Variants in TRIOBP observed in about 807,000 individuals in gnomAD.
The protein encoded by TRIOBP is TRIO and F-actin-binding protein.
In TRIOBP, 169 loss-of-function variants were observed where a neutral mutation model predicts 238.8. That is an observed-to-expected ratio of 0.71 (90% CI 0.62 to 0.80). The LOEUF is 0.80. Ranked by LOEUF, TRIOBP falls within the 30% of genes least tolerant of loss-of-function variation. The pLI is 0.00. For missense variants in TRIOBP, 2,838 were observed against 3,122.6 expected (o/e 0.91, Z 2.17); for synonymous variants, 1,150 against 1,274.4 (o/e 0.90, Z 2.08).
chr22:37,772,559 G>T, intron 22 of TRIOBP, 42 bp from the exon 23 acceptor site: 1 of 1,613,464 alleles, frequency 6.2e-7, no homozygotes, highest in Non-Finnish European at 8.5e-7. Flanking sequence ...CAGGGCTGGA[G>T]GGAGAGACTT....
rs372079149 is a variant in TRIOBP at position 37,723,266 on chromosome 22, G to C, written c.710G>C (p.Arg237Pro). ...GESGLSLERH[R>P]STLTQASSMT... is the part of the protein sequence containing the mutation. ...AGCGGGTTGTCCCTGGAGCGGCACCGGTCAACACTGACCCAGGCTTCCTCC... is the reference window on the plus strand; with the variant it reads ...AGCGGGTTGTCCCTGGAGCGGCACCCGTCAACACTGACCCAGGCTTCCTCC... The change falls in exon 7 of 24, where the codon CGG becomes CCG. Residue 237 changes from arginine to proline, a missense_variant. By Grantham distance (103) the Arg-to-Pro change is moderately radical. Coordinates refer to ENST00000644935, the MANE Select transcript of TRIOBP (RefSeq NM_001039141.3). 1.2e-6 allele frequency: 2 copies of C among 1,613,908 alleles called. No homozygotes were observed. Among genetic ancestry groups the C allele is most frequent in the Non-Finnish European group, 1.7e-6 (2 of 1,179,970 alleles).
chr22:37,722,835 C>G (rs1923904338), intron 6 of TRIOBP, among the ~76,000 whole-genome samples: 2 of 152,244 alleles, frequency 1.3e-5, no homozygotes, highest in Non-Finnish European at 2.9e-5. Flanking sequence ...CCACCTCTCC[C>G]TCCCTGGGGT....
chr22:37,735,267 C>G lies in TRIOBP; in HGVS notation c.4931C>G (p.Pro1644Arg), dbSNP rs763925334. ...AEATPVNGHS[P>R]ALQSQSPVQL... Reference sequence around the variant, plus strand: ...GCCACCCCAGTCAATGGACACAGCCCCGCACTGCAGTCCCAGAGCCCGGTC... The same window carrying G: ...GCCACCCCAGTCAATGGACACAGCCGCGCACTGCAGTCCCAGAGCCCGGTC... Residue 1644 changes from proline (P) to arginine (R), a missense_variant, in exon 9 of 24, where the codon CCC becomes CGC. Transcript: ENST00000644935. 7 of 1,609,134 alleles carry G rather than the reference C, an allele frequency of 4.4e-6. No homozygotes were observed. Among genetic ancestry groups the G allele is most frequent in the Non-Finnish European group, 5.9e-6 (7 of 1,176,544 alleles).
chr22:37,741,439 G>A (rs559763568), intron 11 of TRIOBP, among the ~76,000 whole-genome samples: 14 of 152,318 alleles, frequency 9.2e-5, no homozygotes, highest in South Asian at 4.1e-4. Flanking sequence ...AACATCTGGC[G>A]TTACGTAACC....
chr22:37,730,285 C>G (rs1206606349), intron 7 of TRIOBP, among the ~76,000 whole-genome samples: 1 of 152,204 alleles, frequency 6.6e-6, no homozygotes, highest in East Asian at 1.9e-4. Flanking sequence ...GACGCTGTTG[C>G]TTCAGCATCG....
Position 37,759,273 on chromosome 22 carries a change from G to T in TRIOBP, c.6324+9G>T, listed in dbSNP as rs376601715. On this transcript the variant is annotated intron_variant, in intron 17 of 23. Coordinates refer to ENST00000644935, the MANE Select transcript of TRIOBP (RefSeq NM_001039141.3). ...CGGGCTACATCTCACAGGTAAGGCC[G>T]GGGGGCTGTTTTTCAGGGGGAGGGG... The T allele has an allele frequency of 1.2e-6, 2 of 1,609,908 alleles. No homozygotes were observed. The highest frequency in any genetic ancestry group is 2.2e-5 in the East Asian group (1 of 44,854).
At chr22:37,720,558 A>G (rs1221030319) in intron 6 of TRIOBP, among the ~76,000 whole-genome samples, 1 of 152,170 alleles carries the variant, frequency 6.6e-6, no homozygotes, top group Non-Finnish European at 1.5e-5. Flanking sequence ...CTGGATGAAC[A>G]ATGACATTGG....
At chr22:37,707,172 A>G (rs1370885214) in intron 3 of TRIOBP, among the ~76,000 whole-genome samples, 1 of 152,166 alleles carries the variant, frequency 6.6e-6, no homozygotes, top group Admixed American at 6.5e-5. Flanking sequence ...GCTACTCGGG[A>G]GGCTGAGGCA....
At chr22:37,712,031 A>G (rs1327236051) in intron 4 of TRIOBP, among the ~76,000 whole-genome samples, 2 of 151,816 alleles carry the variant, frequency 1.3e-5, no homozygotes, top group African/African-American at 4.8e-5. Context: ...AGACTTACTG[A>G]ACTTGGGGTC....
At chr22:37,697,119 TGG>T (rs1473441095) in intron 1 of TRIOBP, 30 bp downstream of exon 1, 2 of 152,024 alleles carry the variant, frequency 1.3e-5, no homozygotes, top group Non-Finnish European at 2.9e-5. Context: ...AAAGAGGAGC[TGG>T]TAGGGGGAGG....
At chr22:37,749,783 C>CAAAAAAAAAAA (rs893218020) in intron 11 of TRIOBP, among the ~76,000 whole-genome samples, 1 of 60,272 alleles carries the variant, frequency 1.7e-5, no homozygotes, top group Non-Finnish European at 3.4e-5. Context: ...CCCATCTCTA[C>CAAAAAAAAAAA]AAAAAAAAAA....
At chr22:37,751,426 A>G (rs906273044) in intron 11 of TRIOBP, 4 of 395,852 alleles carry the variant, frequency 1.0e-5, no homozygotes, top group Middle Eastern at 8.3e-4. Flanking sequence ...CTGAGCTCTC[A>G]GGGGGTCTCT....
In TRIOBP at chr22:37,735,166, G is replaced by A. The variant is rs770573746; in HGVS notation, c.4830G>A (p.Gly1610=). Residue 1610 remains glycine (G), a synonymous_variant, in exon 9 of 24, where the codon GGG becomes GGA. Coordinates refer to ENST00000644935, the MANE Select transcript of TRIOBP (RefSeq NM_001039141.3). The stretch of plus-strand genomic sequence containing the variant: ...GGGATGACCTGGCCAGGGCTTTAGG[G>A]CCAGAGCTGGGTCCCCCAGGCACAA... ...GHRDDLARAL[G]PELGPPGTND... The A allele has an allele frequency of 2.5e-6, 4 of 1,609,612 alleles. No homozygotes were observed. The Admixed American group carries it at 5.0e-5, about 20-fold the overall frequency.
intron 17 of TRIOBP, among the ~76,000 whole-genome samples, chr22:37,760,564 A>T (rs994715963): frequency 2.8e-4 from 42 of 152,234 alleles, no homozygotes; most frequent in African/African-American, 9.9e-4. Context: ...TGTCTTTAAC[A>T]TAGTTAATTT....
intron 11 of TRIOBP, among the ~76,000 whole-genome samples, chr22:37,747,258 T>C (rs1042028567): frequency 1.3e-5 from 2 of 152,152 alleles, no homozygotes; most frequent in African/African-American, 4.8e-5. Flanking sequence ...AAGGAGTAGC[T>C]CCTTTCCCTG....
chr22:37,760,511 A>T (rs115459571), intron 17 of TRIOBP, among the ~76,000 whole-genome samples: 1,601 of 152,332 alleles, frequency 0.011, 28 homozygotes, highest in African/African-American at 0.035. Flanking sequence ...AATACAACAC[A>T]GTGAAATATT....
At chr22:37,764,837 C>T (rs980226507) in intron 17 of TRIOBP, among the ~76,000 whole-genome samples, 6 of 152,216 alleles carry the variant, frequency 3.9e-5, no homozygotes, top group Non-Finnish European at 7.3e-5. Flanking sequence ...GGGGACTGCG[C>T]CAGTCAGATG....
In TRIOBP at chr22:37,699,627, C is replaced by T. The variant is rs555927235; in HGVS notation, c.-60-1679C>T. On this transcript the variant is annotated intron_variant, in intron 2 of 23. Coordinates refer to ENST00000644935, the MANE Select transcript of TRIOBP (RefSeq NM_001039141.3). ...TGCAATCTTGGCTCACTGCAACCTC[C>T]GCCTCCTGGGTTCAAGTGATTCTCC... 4.6e-5 allele frequency among the ~76,000 whole-genome samples: 7 copies of T among 152,092 alleles called. No homozygotes were observed. The East Asian group carries it at 7.7e-4, about 17-fold the overall frequency.
intron 10 of TRIOBP, among the ~76,000 whole-genome samples, chr22:37,739,321 T>TGGGAGGTGG (rs1406245390): frequency 6.6e-6 from 1 of 151,992 alleles, no homozygotes; most frequent in Non-Finnish European, 1.5e-5. Flanking sequence ...CGTGGGGCAG[T>TGGGAGGTGG]GGGAGGTGGG....
Sources: allele counts gnomAD v4.1 joint callset (sites outside exome capture counted in the v4.1 genomes callset), GRCh38; gene constraint gnomAD v4.1.1; transcripts MANE v1.5; gene names NCBI Gene and HGNC (gene_info 2026-07-23, HGNC 2026-07-21).